The following TACC2 variants were observed in gnomAD, a reference collection of about 807,000 sequenced individuals.
The protein encoded by TACC2 is transforming acidic coiled-coil containing protein 2.
Under a neutral mutation model 227.3 loss-of-function variants are expected in TACC2, and 137 were observed. That is an observed-to-expected ratio of 0.60 (90% CI 0.52 to 0.69). The LOEUF (loss-of-function observed/expected upper bound fraction) is 0.69, where lower values mean the gene tolerates loss of function less well. TACC2 is among the 30% of genes least tolerant of loss of function. The pLI is 0.00. For synonymous variants in TACC2, 1,523 were observed against 1,487.5 expected (o/e 1.02, Z -0.55); for missense variants, 3,470 against 3,694.4 (o/e 0.94, Z 1.57).
At chr10:122,152,548 A>G (rs1330951285) in intron 7 of TACC2, among the ~76,000 whole-genome samples, 1 of 152,066 alleles carries the variant, frequency 6.6e-6, no homozygotes, top group African/African-American at 2.4e-5. Context: ...ACTCTATTCC[A>G]TTCCATTCCA....
chr10:122,226,429 C>G lies in TACC2; in HGVS notation c.7672C>G (p.Pro2558Ala). ...TATGTTTGACACTTCTCAGGAGAGC[C>G]CTGTCAAGTCATCTCCCGTCCGCAT... ...YLMFDTSQES[P>A]VKSSPVRMSE... The change falls in exon 13 of 23, where the codon CCT (proline) becomes GCT (alanine). Residue 2558 changes from proline to alanine, a missense_variant. By Grantham distance (27) the Pro-to-Ala change is conservative. This residue lies in a region of TACC2 where 345 missense variants were observed against 354.4 expected (regional missense o/e 0.97). Transcript: ENST00000369005. 1 of 1,614,068 alleles carries G rather than the reference C, an allele frequency of 6.2e-7. No individual in the cohort carries two copies.
chr10:122,170,263 C>CTTTTTTTT (rs34194262), intron 7 of TACC2, among the ~76,000 whole-genome samples: 11 of 63,214 alleles, frequency 1.7e-4, no homozygotes, highest in African/African-American at 2.8e-4. Context: ...ATGATCAAGT[C>CTTTTTTTT]TTTTTTTTTT....
intron 16 of TACC2, among the ~76,000 whole-genome samples, chr10:122,231,224 G>A (rs2095740313): frequency 6.6e-6 from 1 of 152,204 alleles, no homozygotes; most frequent in Admixed American, 6.5e-5. Flanking sequence ...AGTTGCTGAT[G>A]ACGTGCAGAA....
chr10:122,107,886 TTTTTC>T (rs1268992878), intron 5 of TACC2, among the ~76,000 whole-genome samples: 9 of 43,478 alleles, frequency 2.1e-4, no homozygotes, highest in South Asian at 2.0e-3. Context: ...ATATATTTTT[TTTTTC>T]TTTTTTCTTT....
chr10:122,238,998 G>A (rs1389277794), intron 18 of TACC2, among the ~76,000 whole-genome samples: 1 of 151,460 alleles, frequency 6.6e-6, no homozygotes, highest in African/African-American at 2.4e-5. Flanking sequence ...GCCGATACTA[G>A]TTTTTTTTGT....
Position 122,055,231 on chromosome 10 carries a change from T to TA in TACC2, c.146+4690dup, listed in dbSNP as rs971912514. ...CAAGACGCCGTCTCCCAAAAAAAAA[T>TA]AAAAAAAAAGTGAAGAAGGGTGACG... is the stretch of plus-strand genomic sequence containing the variant. On this transcript the variant is annotated intron_variant, in intron 3 of 22. Transcript: ENST00000369005. 6.3e-4 allele frequency among the ~76,000 whole-genome samples: 93 copies of TA among 147,652 alleles called. No individual in the cohort carries two copies. The Middle Eastern group carries it at 0.021, about 33-fold the overall frequency.
chr10:122,153,470 G>T (rs2092251494), intron 7 of TACC2, among the ~76,000 whole-genome samples: 1 of 152,264 alleles, frequency 6.6e-6, no homozygotes, highest in Non-Finnish European at 1.5e-5. Flanking sequence ...TCATATCTGT[G>T]GACTCCTCCA....
intron 11 of TACC2, among the ~76,000 whole-genome samples, chr10:122,217,811 C>G (rs955974814): frequency 6.6e-6 from 1 of 152,134 alleles, no homozygotes; most frequent in Non-Finnish European, 1.5e-5. Context: ...TTGCCCTGAC[C>G]TGTTGGTGCA....
At chr10:122,088,408 C>T in intron 4 of TACC2, 70 bp from the exon 5 acceptor site, 44 of 1,333,342 alleles carry the variant, frequency 3.3e-5, no homozygotes, top group East Asian at 7.8e-5. Flanking sequence ...TCTGCTTTTT[C>T]AATAGGACAT....
chr10:122,106,580 C>A (rs994153124), intron 5 of TACC2, among the ~76,000 whole-genome samples: 4 of 152,228 alleles, frequency 2.6e-5, no homozygotes, highest in African/African-American at 9.6e-5. Flanking sequence ...GCCACAGTTA[C>A]TTCCTAGGCA....
intron 3 of TACC2, among the ~76,000 whole-genome samples, chr10:122,065,311 A>T (rs903486605): frequency 1.3e-5 from 2 of 152,198 alleles, no homozygotes; most frequent in African/African-American, 2.4e-5. Flanking sequence ...ACTGCGTCCC[A>T]CAAATTTTGA....
intron 1 of TACC2, among the ~76,000 whole-genome samples, chr10:122,009,875 A>G (rs1207421040): frequency 6.6e-6 from 1 of 151,974 alleles, no homozygotes; most frequent in African/African-American, 2.4e-5. Context: ...GCAGTGAGCC[A>G]AGATTGCACC....
At chr10:121,995,665 G>A (rs181151289) in intron 1 of TACC2, among the ~76,000 whole-genome samples, 9 of 152,282 alleles carry the variant, frequency 5.9e-5, no homozygotes, top group East Asian at 1.9e-4. Context: ...GTCTGCTGCC[G>A]TCTCAGGAAG....
intron 2 of TACC2, among the ~76,000 whole-genome samples, chr10:122,037,579 A>G (rs1305795328): frequency 2.0e-5 from 3 of 152,212 alleles, no homozygotes; most frequent in Non-Finnish European, 4.4e-5. Context: ...CCAACCAACC[A>G]CATTTCCTTG....
At chr10:122,063,569 C>G (rs1421187000) in intron 3 of TACC2, among the ~76,000 whole-genome samples, 1 of 152,050 alleles carries the variant, frequency 6.6e-6, no homozygotes, top group Non-Finnish European at 1.5e-5. Flanking sequence ...GAGTATTTTT[C>G]CATTAGGAGA....
chr10:122,041,584 T>C (rs1254907051), intron 2 of TACC2, among the ~76,000 whole-genome samples: 3 of 151,710 alleles, frequency 2.0e-5, no homozygotes, highest in Non-Finnish European at 4.4e-5. Context: ...GTAGCTGGGA[T>C]TACAGGTGCA....
rs371140295 is a variant in TACC2 at position 122,227,924 on chromosome 10, G to T, written c.7812G>T (p.Glu2604Asp). The change falls in exon 14 of 23, where the codon GAG (glutamate) becomes GAT (aspartate). Residue 2604 changes from glutamate to aspartate, a missense_variant. By Grantham distance (45) the Glu-to-Asp change is conservative. Coordinates refer to ENST00000369005, the MANE Select transcript of TACC2 (RefSeq NM_206862.4). ...CACGAGGACTGGCCCCTAACCAAGA[G>T]TCACACTTGCAGGTGCCAGAGAAAT... is the stretch of plus-strand genomic sequence containing the variant. ...PVPRGLAPNQ[E>D]SHLQVPEKSS... The T allele has an allele frequency of 5.0e-6, 8 of 1,614,128 alleles. No individual in the cohort carries two copies. Among genetic ancestry groups the T allele is most frequent in the Non-Finnish European group, 6.8e-6 (8 of 1,180,060 alleles).
intron 8 of TACC2, among the ~76,000 whole-genome samples, chr10:122,197,361 C>T (rs1451812991): frequency 6.6e-6 from 1 of 152,242 alleles, no homozygotes; most frequent in Non-Finnish European, 1.5e-5. Flanking sequence ...CCACTTGTGG[C>T]CACAGGTGCG....
intron 1 of TACC2, among the ~76,000 whole-genome samples, chr10:121,992,783 C>G (rs989822538): frequency 1.3e-5 from 2 of 151,902 alleles, no homozygotes; most frequent in Non-Finnish European, 1.5e-5. Flanking sequence ...GGCGAAACCC[C>G]GTCTCTACTA....
Sources: allele counts gnomAD v4.1 joint callset (sites outside exome capture counted in the v4.1 genomes callset), GRCh38; gene constraint gnomAD v4.1.1; regional missense constraint gnomAD v4.1.1; transcripts MANE v1.5; gene names NCBI Gene and HGNC (gene_info 2026-07-23, HGNC 2026-07-21).